RNF144B: variants seen among roughly 807,000 people sequenced by gnomAD.
RNF144B encodes the protein ring finger protein 144B.
A neutral mutation model predicts 40.2 loss-of-function variants in RNF144B; 25 were observed. The ratio of observed to expected loss-of-function variants is 0.62; its 90% confidence interval spans 0.45 to 0.87. The LOEUF is 0.87. RNF144B is among the 40% of genes least tolerant of loss of function. The pLI is 0.00. For missense variants in RNF144B, 365 were observed against 373.7 expected (o/e 0.98, Z 0.19); for synonymous variants, 145 against 136.3 (o/e 1.06, Z -0.44).
rs142869397 is a variant in RNF144B, at chr6:18,401,194, G to A, written c.165+1495G>A. 3.3e-4 allele frequency among the ~76,000 whole-genome samples: 51 copies of A among 152,286 alleles called. No homozygotes were observed. The East Asian group carries it at 5.4e-3, about 16-fold the overall frequency. ...AACAGTGCAGAATTTAAGCGTGTGC[G>A]TCAACATTGGGGAAATAATACATGG... On this transcript the variant is annotated intron_variant, in intron 2 of 7. Coordinates refer to ENST00000259939, the MANE Select transcript of RNF144B (RefSeq NM_182757.4).
At chr6:18,453,811 C>G (rs569715219) in intron 4 of RNF144B, among the ~76,000 whole-genome samples, 3 of 152,260 alleles carry the variant, frequency 2.0e-5, no homozygotes, top group East Asian at 3.9e-4. Context: ...ATCTACCACA[C>G]AGGAGGAACA....
chr6:18,402,677 C>A (rs1405165422), intron 2 of RNF144B, among the ~76,000 whole-genome samples: 2 of 152,158 alleles, frequency 1.3e-5, no homozygotes, highest in African/African-American at 4.8e-5. Flanking sequence ...ACATCTATTG[C>A]CCACAACCAG....
intron 3 of RNF144B, among the ~76,000 whole-genome samples, chr6:18,431,850 C>T (rs1389617452): frequency 2.6e-5 from 4 of 152,162 alleles, no homozygotes; most frequent in Admixed American, 2.0e-4. Context: ...GCTCCATGTA[C>T]CTGCCTTCTT....
intron 4 of RNF144B, among the ~76,000 whole-genome samples, chr6:18,445,935 T>G (rs1759070856): frequency 6.6e-6 from 1 of 152,190 alleles, no homozygotes; most frequent in Non-Finnish European, 1.5e-5. Context: ...GAATTTACAA[T>G]AAAAATAATA....
intron 7 of RNF144B, among the ~76,000 whole-genome samples, chr6:18,463,707 C>T (rs545904708): frequency 1.3e-5 from 2 of 152,302 alleles, no homozygotes; most frequent in African/African-American, 4.8e-5. Flanking sequence ...GGCATATTAC[C>T]TATCAAAGGC....
At chr6:18,396,829 T>C in intron 1 of RNF144B, 2 of 985,140 alleles carry the variant, frequency 2.0e-6, no homozygotes, top group Non-Finnish European at 2.4e-6. Context: ...AAAGGTAAAG[T>C]CATTCATTTT....
chr6:18,393,613 A>C (rs1794630444), intron 1 of RNF144B, among the ~76,000 whole-genome samples: 1 of 152,222 alleles, frequency 6.6e-6, no homozygotes, highest in Non-Finnish European at 1.5e-5. Context: ...TTCAGATTGC[A>C]TTGAGTGGAA....
At chr6:18,432,383 G>T (rs1758713693) in intron 3 of RNF144B, among the ~76,000 whole-genome samples, 2 of 152,174 alleles carry the variant, frequency 1.3e-5, no homozygotes. Flanking sequence ...TGTGGCTAGA[G>T]GTGAACACAC....
At chr6:18,421,965 C>A (rs997101128) in intron 2 of RNF144B, among the ~76,000 whole-genome samples, 4 of 152,038 alleles carry the variant, frequency 2.6e-5, no homozygotes, top group Non-Finnish European at 4.4e-5. Flanking sequence ...CCAGGTTTTC[C>A]TATCAGTCCT....
Position 18,458,184 on chromosome 6 carries a change from C to T in RNF144B, c.536+825C>T, listed in dbSNP as rs1033948450. On this transcript the variant is annotated intron_variant, in intron 5 of 7. Coordinates refer to ENST00000259939, the MANE Select transcript of RNF144B (RefSeq NM_182757.4). This position sits in a 1 kb window ranked among gnomAD's most constrained non-coding sequence, Gnocchi z 4.8. ...AAATCCTGACCTCAAGTGATCCACCCGCCTAGGCCTCCCAAAGTGCTAGGA... is the reference window on the plus strand; with the variant it reads ...AAATCCTGACCTCAAGTGATCCACCTGCCTAGGCCTCCCAAAGTGCTAGGA... Among the ~76,000 whole-genome samples, 2 of 152,094 alleles carry T rather than the reference C, an allele frequency of 1.3e-5. No homozygotes were observed. The highest frequency in any genetic ancestry group is 1.9e-4 in the East Asian group (1 of 5,196).
intron 3 of RNF144B, among the ~76,000 whole-genome samples, chr6:18,431,465 G>A (rs1426801982): frequency 6.6e-6 from 1 of 152,072 alleles, no homozygotes; most frequent in African/African-American, 2.4e-5. Context: ...ACTTGCTTTA[G>A]ATCAAGATTT....
In RNF144B at chr6:18,395,407, C is replaced by T. The variant is rs1026950027; in HGVS notation, c.-36-4092C>T. Among the ~76,000 whole-genome samples, 7 of 152,118 alleles carry T rather than the reference C, an allele frequency of 4.6e-5. No individual in the cohort carries two copies. The highest frequency in any genetic ancestry group is 6.5e-5 in the Admixed American group (1 of 15,272). On this transcript the variant is annotated intron_variant, in intron 1 of 7. Coordinates refer to ENST00000259939, the MANE Select transcript of RNF144B (RefSeq NM_182757.4). This position sits in a 1 kb window ranked among gnomAD's most constrained non-coding sequence, Gnocchi z 4.5. ...ATTGGGGGTTTCATGCTGTGAAGAC[C>T]GGTGAATAGTAATATGACACAAAGG...
chr6:18,411,460 T>G (rs2181798), intron 2 of RNF144B, among the ~76,000 whole-genome samples: 72,496 of 104,640 alleles, frequency 0.69, 23,720 homozygotes, highest in Non-Finnish European at 0.73. Context: ...ATGTGCATGA[T>G]TCATATATAT....
chr6:18,463,205 C>T lies in RNF144B; in HGVS notation c.682-86C>T, dbSNP rs913704418. 9.0e-5 allele frequency: 76 copies of T among 846,874 alleles called. 2 individuals are homozygous for T. The highest frequency in any genetic ancestry group is 3.2e-4 in the South Asian group (22 of 69,192). 52.5% of individuals were successfully genotyped at this position (846,874 alleles called of 1,614,324 possible). On this transcript the variant is annotated intron_variant, in intron 6 of 7. Coordinates refer to ENST00000259939, the MANE Select transcript of RNF144B (RefSeq NM_182757.4). ...TGATATCACCAGAGAAAAACTTTGC[C>T]TTCCATTTGGTGATCTGATGTGGTC...
intron 2 of RNF144B, among the ~76,000 whole-genome samples, chr6:18,415,174 T>A (rs1795125797): frequency 6.6e-6 from 1 of 152,210 alleles, no homozygotes; most frequent in Non-Finnish European, 1.5e-5. Flanking sequence ...CCGTGGTTGG[T>A]TGAATCCATG....
At chr6:18,390,137 C>A (rs930350175) in intron 1 of RNF144B, among the ~76,000 whole-genome samples, 1 of 152,166 alleles carries the variant, frequency 6.6e-6, no homozygotes, top group Non-Finnish European at 1.5e-5. Context: ...ATTCACATTG[C>A]TTTGCCAGAT....
Position 18,416,084 on chromosome 6 carries a change from G to A in RNF144B, c.166-11497G>A, listed in dbSNP as rs766610347. 3.9e-5 allele frequency among the ~76,000 whole-genome samples: 6 copies of A among 152,146 alleles called. No individual in the cohort carries two copies. The highest frequency in any genetic ancestry group is 1.5e-5 in the Non-Finnish European group (1 of 68,040). ...GAAGGCTAATGTTTCTTTGGAGAAA[G>A]TAGAAGGATGTAAACTTGGCAAGCC... On this transcript the variant is annotated intron_variant, in intron 2 of 7. Transcript: ENST00000259939. The surrounding 1 kb of genome is among the most constrained non-coding windows in gnomAD (Gnocchi z 5.5).
At position 18,443,835 on chromosome 6, in the gene RNF144B, C is replaced by G. The variant is rs1282760858; in HGVS notation, c.331+4091C>G. 6.6e-6 allele frequency among the ~76,000 whole-genome samples: 1 copy of G among 152,000 alleles called. No individual in the cohort carries two copies. The highest frequency in any genetic ancestry group is 1.5e-5 in the Non-Finnish European group (1 of 68,004). On this transcript the variant is annotated intron_variant, in intron 4 of 7. Transcript: ENST00000259939. The surrounding 1 kb of genome is among the most constrained non-coding windows in gnomAD (Gnocchi z 4.7). ...TTGTGAATATATATTTGATGTGAAA[C>G]CATTTATAAGGGGACTTTGGGGTGC...
chr6:18,437,998 GGAATCAAA>G (rs1347295213), intron 3 of RNF144B, among the ~76,000 whole-genome samples: 3 of 152,064 alleles, frequency 2.0e-5, no homozygotes, highest in Non-Finnish European at 4.4e-5. Flanking sequence ...ACTGTCTTCT[GGAATCAAA>G]GAAGGTGGTG....
Sources: gnomAD v4.1 joint callset for allele counts (sites outside exome capture counted in the v4.1 genomes callset) on GRCh38, gnomAD v4.1.1 for gene constraint, Gnocchi (gnomAD v3.1) non-coding constraint, MANE v1.5 for transcripts, NCBI Gene and HGNC (gene_info 2026-07-23, HGNC 2026-07-21) for gene names.